SYNE1: variants seen among roughly 807,000 people sequenced by gnomAD.
SYNE1 encodes nesprin-1.
Under a neutral mutation model 1,111.0 loss-of-function variants are expected in SYNE1, and 616 were observed. The observed-to-expected ratio is 0.55, with a 90% confidence interval of 0.52 to 0.59. The LOEUF is 0.59. Among genes scored for constraint, SYNE1 ranks in the 20% least tolerant of loss-of-function variants. The pLI, the probability that SYNE1 is intolerant of heterozygous loss-of-function variation, is 0.00. For missense variants in SYNE1, 10,006 were observed against 10,417.0 expected (o/e 0.96, Z 1.72); for synonymous variants, 3,855 against 3,825.8 (o/e 1.01, Z -0.28).
In SYNE1 at chr6:152,174,573, G is replaced by A. The variant is rs80060687; in HGVS notation, c.23627+1821C>T. On this transcript the variant is annotated intron_variant, in intron 130 of 145. Transcript: ENST00000367255. ...CAAAGAACTGAGAAATTAGATTGTC[G>A]AGATCAAAAACAGAACTTATCTTCC... Among the ~76,000 whole-genome samples, 172 of 152,218 alleles carry A rather than the reference G, an allele frequency of 1.1e-3. 6 individuals are homozygous for A. In the East Asian group the frequency reaches 0.026, roughly 23 times the overall value.
intron 3 of SYNE1, among the ~76,000 whole-genome samples, chr6:152,544,326 C>T (rs910346412): frequency 4.6e-5 from 7 of 152,068 alleles, no homozygotes; most frequent in East Asian, 1.9e-4. Context: ...TAACCTAAAT[C>T]GTAAATGGTT....
In SYNE1 at chr6:152,512,412, C is replaced by A. The variant is rs2154339904; in HGVS notation, c.310-1309G>T. 2.0e-5 allele frequency among the ~76,000 whole-genome samples: 3 copies of A among 152,180 alleles called. No individual in the cohort carries two copies. The South Asian group carries it at 6.2e-4, about 32-fold the overall frequency. On this transcript the variant is annotated intron_variant, in intron 6 of 145. Coordinates refer to ENST00000367255, the MANE Select transcript of SYNE1 (RefSeq NM_182961.4). ...TTTTTTTAACTTTTTATGAAAGAAT[C>A]TACTATGATCTCTAGGATCATTTTG...
intron 39 of SYNE1, among the ~76,000 whole-genome samples, chr6:152,422,933 A>T (rs756211652): frequency 6.6e-6 from 1 of 152,170 alleles, no homozygotes; most frequent in Non-Finnish European, 1.5e-5. Context: ...TTTACTCCAA[A>T]ATATATTTCT....
chr6:152,416,331 T>C, intron 41 of SYNE1, 56 bp downstream of exon 41: 2 of 1,606,786 alleles, frequency 1.2e-6, no homozygotes, highest in South Asian at 2.2e-5. Flanking sequence ...TAAAAGTTAA[T>C]TCCAGAACAA....
intron 3 of SYNE1, among the ~76,000 whole-genome samples, chr6:152,558,380 CA>C (rs1461150823): frequency 6.6e-5 from 10 of 152,218 alleles, no homozygotes; most frequent in Admixed American, 5.9e-4. Context: ...ATTCTTTAAT[CA>C]AAAGACAAAG....
intron 100 of SYNE1, among the ~76,000 whole-genome samples, chr6:152,263,533 T>G (rs897453600): frequency 2.0e-5 from 3 of 151,904 alleles, no homozygotes; most frequent in African/African-American, 7.3e-5. Context: ...CTCCCAAGTC[T>G]GGTATGCACC....
At chr6:152,490,870 C>T (rs927919879) in intron 11 of SYNE1, among the ~76,000 whole-genome samples, 1 of 152,190 alleles carries the variant, frequency 6.6e-6, no homozygotes, top group African/African-American at 2.4e-5. Flanking sequence ...AACATCTTAC[C>T]AATTTCAAAT....
chr6:152,520,170 T>C (rs911142863), intron 6 of SYNE1, among the ~76,000 whole-genome samples: 1 of 152,206 alleles, frequency 6.6e-6, no homozygotes, highest in South Asian at 2.1e-4. Context: ...CTAATGTCTA[T>C]GTTTTAGTTA....
chr6:152,506,903 T>C (rs577558198), intron 8 of SYNE1, among the ~76,000 whole-genome samples: 44 of 152,300 alleles, frequency 2.9e-4, no homozygotes, highest in African/African-American at 9.9e-4. Flanking sequence ...TGTAGACAAC[T>C]TATCATTCAC....
At chr6:152,163,165 G>A (rs191000218) in intron 131 of SYNE1, among the ~76,000 whole-genome samples, 3 of 152,254 alleles carry the variant, frequency 2.0e-5, no homozygotes, top group South Asian at 2.1e-4. Context: ...GATTTACAGT[G>A]TTTGCTATTG....
chr6:152,262,227 C>G, intron 100 of SYNE1, 39 bp from the exon 101 acceptor site: 1 of 1,592,376 alleles, frequency 6.3e-7, no homozygotes, highest in African/African-American at 1.3e-5. Flanking sequence ...ACAATGTGCA[C>G]AAAAAAGTGA....
At chr6:152,294,212 G>GA in intron 93 of SYNE1, 85 bp from the exon 94 acceptor site, 8 of 1,475,030 alleles carry the variant, frequency 5.4e-6, no homozygotes, top group Non-Finnish European at 7.4e-6. Context: ...TCATGTCAAG[G>GA]AAAGGTTTCA....
chr6:152,562,166 A>AG (rs2099397101), intron 3 of SYNE1, among the ~76,000 whole-genome samples: 1 of 152,198 alleles, frequency 6.6e-6, no homozygotes, highest in African/African-American at 2.4e-5. Flanking sequence ...ACAATTGATA[A>AG]GGGATTAATA....
intron 16 of SYNE1, among the ~76,000 whole-genome samples, chr6:152,469,724 C>A (rs748895627): frequency 3.9e-5 from 6 of 152,024 alleles, no homozygotes; most frequent in Non-Finnish European, 4.4e-5. Context: ...AGCTCAAGGG[C>A]TTTTGATTTG....
At chr6:152,204,904 T>C (rs6929139) in intron 126 of SYNE1, among the ~76,000 whole-genome samples, 2 of 151,960 alleles carry the variant, frequency 1.3e-5, no homozygotes, top group Non-Finnish European at 2.9e-5. Flanking sequence ...TTTAAAAAAA[T>C]ATATGATTAA....
At chr6:152,140,895 C>A (rs948264942) in intron 139 of SYNE1, among the ~76,000 whole-genome samples, 6 of 150,988 alleles carry the variant, frequency 4.0e-5, no homozygotes, top group African/African-American at 1.5e-4. Context: ...TTTAGCTGGG[C>A]GTGGTGGCGG....
intron 70 of SYNE1, 129 bp from the exon 71 acceptor site, chr6:152,350,899 G>C (rs2096730761): frequency 9.4e-7 from 1 of 1,060,798 alleles, no homozygotes; most frequent in Non-Finnish European, 1.4e-6. Context: ...GAAGCAATAG[G>C]TGCAAGACAT....
chr6:152,192,554 G>A lies in SYNE1; in HGVS notation c.23146-3147C>T, dbSNP rs571564383. 3.3e-5 allele frequency among the ~76,000 whole-genome samples: 5 copies of A among 152,010 alleles called. No individual in the cohort carries two copies. In the South Asian group the frequency reaches 6.2e-4, roughly 19 times the overall value. On this transcript the variant is annotated intron_variant, in intron 127 of 145. Transcript: ENST00000367255. ...TGGTGTGATCTTGGCTCACTGTAAC[G>A]TCCACCACCTGGGTTCAAGTGATTC...
intron 25 of SYNE1, 120 bp from the exon 26 acceptor site, chr6:152,451,325 A>C: frequency 1.0e-6 from 1 of 959,044 alleles, no homozygotes; most frequent in Non-Finnish European, 1.6e-6. Flanking sequence ...GCCAGTGTGA[A>C]TGGGTCACTA....
Sources: gnomAD v4.1 joint callset for allele counts (sites outside exome capture counted in the v4.1 genomes callset) on GRCh38, gnomAD v4.1.1 for gene constraint, MANE v1.5 for transcripts, NCBI Gene and HGNC (gene_info 2026-07-23, HGNC 2026-07-21) for gene names.